Variants in KDM3B observed in about 807,000 individuals in gnomAD.
KDM3B encodes the protein lysine-specific demethylase 3B.
A neutral mutation model predicts 170.0 loss-of-function variants in KDM3B; 10 were observed. The observed-to-expected ratio is 0.06, with a 90% CI of 0.04 to 0.10. The LOEUF (loss-of-function observed/expected upper bound fraction) is 0.10. KDM3B is among the 10% of genes least tolerant of loss of function. The pLI is 1.00. For synonymous variants in KDM3B, 831 were observed against 834.8 expected (o/e 1.00, Z 0.08); for missense variants, 1,394 against 2,195.2 (o/e 0.64, Z 7.29).
intron 3 of KDM3B, 57 bp from the exon 4 acceptor site, chr5:138,377,663 T>TC: frequency 8.2e-7 from 1 of 1,220,968 alleles, no homozygotes; most frequent in Non-Finnish European, 1.2e-6. Context: ...TCTCAGCTGA[T>TC]TAGATGTTTG....
chr5:138,405,594 G>A (rs1222611193), intron 11 of KDM3B, among the ~76,000 whole-genome samples: 1 of 151,874 alleles, frequency 6.6e-6, no homozygotes, highest in Non-Finnish European at 1.5e-5. Flanking sequence ...AGATCCACAC[G>A]ATAATAAAGT....
Position 138,391,818 on chromosome 5 carries a change from C to T in KDM3B, c.2186C>T (p.Thr729Ile), listed in dbSNP as rs139064066. Residue 729 changes from threonine (T) to isoleucine (I), a missense_variant, in exon 8 of 24, where the codon ACC (threonine) becomes ATC (isoleucine). Transcript: ENST00000314358. The surrounding 1 kb of genome is among the most constrained non-coding windows in gnomAD (Gnocchi z 5.0). ...AMGNGRSSSP[T>I]SSLTQPIEMP... ...GGGAATGGCCGCTCCAGCTCGCCCA[C>T]CAGCAGCCTCACTCAGCCCATTGAG... 1 of 1,614,110 alleles carries T rather than the reference C, an allele frequency of 6.2e-7. No homozygotes were observed. Among genetic ancestry groups the T allele is most frequent in the African/African-American group, 1.3e-5 (1 of 75,040 alleles).
chr5:138,408,873 TCTTG>T (rs1762891800), intron 11 of KDM3B, among the ~76,000 whole-genome samples: 1 of 152,172 alleles, frequency 6.6e-6, no homozygotes, highest in African/African-American at 2.4e-5. Context: ...GAAAATTGGC[TCTTG>T]CTTGGGAGGG....
chr5:138,425,335 C>G, intron 16 of KDM3B, 76 bp from the exon 17 acceptor site: 1 of 1,384,470 alleles, frequency 7.2e-7, no homozygotes, highest in Non-Finnish European at 9.9e-7. Context: ...CTCAGGAAAC[C>G]CTCCTATTCT....
At chr5:138,401,054 C>G (rs1033835903) in intron 11 of KDM3B, among the ~76,000 whole-genome samples, 1 of 152,026 alleles carries the variant, frequency 6.6e-6, no homozygotes, top group Non-Finnish European at 1.5e-5. Context: ...GGGCAGATCA[C>G]AAGGTCAGGA....
intron 2 of KDM3B, chr5:138,374,319 A>G (rs1407148673): frequency 2.1e-5 from 9 of 438,988 alleles, no homozygotes; most frequent in Non-Finnish European, 3.2e-5. Flanking sequence ...CTGGAGTGCA[A>G]TGGCTCGATC....
At position 138,391,058 on chromosome 5, in the gene KDM3B, C is replaced by G. The variant is rs751989647; in HGVS notation, c.1426C>G (p.Leu476Val). 1 of 1,601,998 alleles carries G rather than the reference C, an allele frequency of 6.2e-7. No individual in the cohort carries two copies. The highest frequency in any genetic ancestry group is 8.5e-7 in the Non-Finnish European group (1 of 1,174,044). The change falls in exon 8 of 24, where the codon CTC (leucine) becomes GTC (valine). Residue 476 changes from leucine (L) to valine (V), a missense_variant. This residue lies in a region of KDM3B where 205 missense variants were observed against 227.6 expected (regional missense o/e 0.90). Transcript: ENST00000314358. This position sits in a 1 kb window ranked among gnomAD's most constrained non-coding sequence, Gnocchi z 5.0. ...GGCCTCTTCTGGATTTGGAGCACCT[C>G]TCCCTAGTTCATCGCAACCTTTGAC... is the stretch of plus-strand genomic sequence containing the variant. ...ILASSGFGAP[L>V]PSSSQPLTFG...
At chr5:138,434,883 A>G (rs1763635114) in intron 23 of KDM3B, among the ~76,000 whole-genome samples, 1 of 152,234 alleles carries the variant, frequency 6.6e-6, no homozygotes, top group Non-Finnish European at 1.5e-5. Context: ...TTGGATGCCC[A>G]TGACCCAGCT....
chr5:138,368,302 A>G (rs1330844061), intron 1 of KDM3B, among the ~76,000 whole-genome samples: 1 of 148,760 alleles, frequency 6.7e-6, no homozygotes, highest in Non-Finnish European at 1.5e-5. Flanking sequence ...GCATGATCGT[A>G]GCTCACTGCA....
intron 1 of KDM3B, among the ~76,000 whole-genome samples, chr5:138,367,894 T>G (rs1761780962): frequency 6.6e-6 from 1 of 151,960 alleles, no homozygotes; most frequent in Non-Finnish European, 1.5e-5. Context: ...GCACCTGTAG[T>G]CCCAGCTACT....
At chr5:138,423,237 G>A (rs902368718) in intron 15 of KDM3B, among the ~76,000 whole-genome samples, 4 of 152,310 alleles carry the variant, frequency 2.6e-5, no homozygotes, top group Admixed American at 1.3e-4. Flanking sequence ...ATGAGCCACC[G>A]TGCCCAGCCT....
intron 17 of KDM3B, 90 bp from the exon 18 acceptor site, chr5:138,426,885 A>G (rs113032749): frequency 0.017 from 7,383 of 436,316 alleles, 54 homozygotes; most frequent in Middle Eastern, 0.029. Context: ...AAAAAAGAAA[A>G]AAAAGAGATT....
intron 4 of KDM3B, 35 bp from the exon 5 acceptor site, chr5:138,379,549 C>A: frequency 6.4e-7 from 1 of 1,566,610 alleles, no homozygotes; most frequent in Non-Finnish European, 8.6e-7. Context: ...ATAGCTTAGC[C>A]AAAAATACTC....
At chr5:138,390,924 G>A (rs1475322397) in intron 7 of KDM3B, 89 bp from the exon 8 acceptor site, 2 of 1,249,496 alleles carry the variant, frequency 1.6e-6, no homozygotes, top group Admixed American at 2.4e-5. Context: ...CCCAAGAAAT[G>A]TTGATCTGGT....
At position 138,391,798 on chromosome 5, in the gene KDM3B, T is replaced by G; in HGVS notation, c.2166T>G (p.Asn722Lys). 6.2e-7 allele frequency: 1 copy of G among 1,614,078 alleles called. No homozygotes were observed. The highest frequency in any genetic ancestry group is 8.5e-7 in the Non-Finnish European group (1 of 1,180,008). Residue 722 changes from asparagine to lysine, a missense_variant, in exon 8 of 24, where the codon AAT becomes AAG. Physicochemically the swap from Asn to Lys is moderately conservative, Grantham distance 94 (BLOSUM62 0). Transcript: ENST00000314358. This position sits in a 1 kb window ranked among gnomAD's most constrained non-coding sequence, Gnocchi z 5.0. Reference sequence around the variant, plus strand: ...GCCCAAGCCTCTCTGCCATGGGGAATGGCCGCTCCAGCTCGCCCACCAGCA... The same window carrying G: ...GCCCAAGCCTCTCTGCCATGGGGAAGGGCCGCTCCAGCTCGCCCACCAGCA... ...SGGPSLSAMG[N>K]GRSSSPTSSL... is the part of the protein sequence containing the mutation.
In KDM3B at chr5:138,352,846, C is replaced by T. The variant is rs982397094; in HGVS notation, c.51C>T (p.Phe17=). ...SPVGKRLLLL[F]ADTAASASAS... is the part of the protein sequence containing the mutation. ...TGGGCAAGCGGCTGCTGCTGCTGTT[C>T]GCGGACACTGCGGCCTCAGCCTCGG... The change falls in exon 1 of 24, where the codon TTC becomes TTT. Residue 17 remains phenylalanine, a synonymous_variant. Transcript: ENST00000314358. 1.0e-5 allele frequency: 14 copies of T among 1,370,566 alleles called. No individual in the cohort carries two copies. Among genetic ancestry groups the T allele is most frequent in the Non-Finnish European group, 1.2e-5 (13 of 1,058,516 alleles). 84.9% of individuals were successfully genotyped at this position (1,370,566 alleles called of 1,614,324 possible). A position where few individuals can be genotyped will look rare whatever the true frequency, so the allele number is the denominator to read the frequency against.
intron 1 of KDM3B, among the ~76,000 whole-genome samples, chr5:138,371,454 C>CAAAA (rs747631161): frequency 3.5e-5 from 2 of 56,676 alleles, no homozygotes; most frequent in Non-Finnish European, 7.6e-5. Context: ...GACCCTGTCT[C>CAAAA]AAAAAAAAAA....
At chr5:138,381,365 T>C (rs945014945) in intron 5 of KDM3B, 151 bp from the exon 6 acceptor site, 5 of 589,122 alleles carry the variant, frequency 8.5e-6, no homozygotes, top group Non-Finnish European at 1.5e-5. Flanking sequence ...GTTGTAGCAG[T>C]AAATGAGACA....
chr5:138,421,261 A>G (rs1363000870), intron 15 of KDM3B, among the ~76,000 whole-genome samples: 1 of 152,048 alleles, frequency 6.6e-6, no homozygotes, highest in East Asian at 1.9e-4. Flanking sequence ...TGGACAGTAC[A>G]TTTGTATTGT....
Sources: gnomAD v4.1 joint callset for allele counts (sites outside exome capture counted in the v4.1 genomes callset) on GRCh38, gnomAD v4.1.1 for gene constraint, gnomAD v4.1.1 regional missense constraint, Gnocchi (gnomAD v3.1) non-coding constraint, MANE v1.5 for transcripts, NCBI Gene and HGNC (gene_info 2026-07-23, HGNC 2026-07-21) for gene names.